TRAPPC9: variants seen among roughly 807,000 people sequenced by gnomAD.
TRAPPC9 encodes the protein trafficking protein particle complex subunit 9, also known as IKK2 binding protein.
TRAPPC9 carries 83 observed loss-of-function variants against 124.0 expected under a neutral mutation model. The observed-to-expected ratio is 0.67, with a 90% confidence interval of 0.56 to 0.80. The LOEUF is 0.80. Among genes scored for constraint, TRAPPC9 ranks in the 30% least tolerant of loss-of-function variants. The pLI is 0.00. For synonymous variants in TRAPPC9, 638 were observed against 617.5 expected, an observed-to-expected ratio of 1.03 and a Z score of -0.49; for missense variants, 1,302 against 1,508.3, an observed-to-expected ratio of 0.86 and a Z score of 2.27.
chr8:139,914,298 G>A (rs994276829), intron 19 of TRAPPC9, among the ~76,000 whole-genome samples: 1 of 152,242 alleles, frequency 6.6e-6, no homozygotes, highest in Non-Finnish European at 1.5e-5. Context: ...AGGCTCACAG[G>A]GAGACGACCC....
chr8:140,439,418 C>T lies in TRAPPC9; in HGVS notation c.585-221G>A, dbSNP rs147244041. On this transcript the variant is annotated intron_variant, in intron 2 of 22. Transcript: ENST00000438773. Reference sequence around the variant, plus strand: ...GCAATTTGTTTAAAGGTGATCGGTACGTAAGGACTTCTACCATGTCTTTCA... The same window carrying T: ...GCAATTTGTTTAAAGGTGATCGGTATGTAAGGACTTCTACCATGTCTTTCA... Among the ~76,000 whole-genome samples, 89 of 152,266 alleles carry T rather than the reference C, an allele frequency of 5.8e-4. No individual in the cohort carries two copies. In the East Asian group the frequency reaches 0.016, roughly 28 times the overall value.
chr8:140,336,609 G>A (rs2067048700), intron 9 of TRAPPC9, among the ~76,000 whole-genome samples: 1 of 152,160 alleles, frequency 6.6e-6, no homozygotes, highest in Non-Finnish European at 1.5e-5. Context: ...CTGATGGATG[G>A]CAAACTTTTA....
At chr8:140,365,630 C>A (rs986083246) in intron 8 of TRAPPC9, among the ~76,000 whole-genome samples, 3 of 152,236 alleles carry the variant, frequency 2.0e-5, no homozygotes, top group African/African-American at 7.2e-5. Flanking sequence ...GCACCCCGCA[C>A]AGGCTGCAAC....
At chr8:139,789,711 C>T (rs1454748135) in intron 21 of TRAPPC9, among the ~76,000 whole-genome samples, 1 of 152,186 alleles carries the variant, frequency 6.6e-6, no homozygotes, top group Non-Finnish European at 1.5e-5. Flanking sequence ...AGGGTAAGTA[C>T]ACCTGTGACG....
intron 17 of TRAPPC9, among the ~76,000 whole-genome samples, chr8:140,167,854 G>T (rs922277296): frequency 6.6e-6 from 1 of 152,218 alleles, no homozygotes; most frequent in East Asian, 1.9e-4. Flanking sequence ...ATGATTAACT[G>T]AAGGGAAAGC....
Position 140,457,576 on chromosome 8 carries a change from G to T in TRAPPC9, c.-11+63C>A, listed in dbSNP as rs1037580043. ...GGACGCGCCGACTCCACGGCCAGCC[G>T]CGCAGCCCTCCCCGCAGCCGGTCCG... On this transcript the variant is annotated intron_variant, in intron 1 of 22. Coordinates refer to ENST00000438773, the MANE Select transcript of TRAPPC9 (RefSeq NM_001160372.4). The T allele has an allele frequency of 4.1e-6, 4 of 982,906 alleles. No homozygotes were observed. The Admixed American group carries it at 2.5e-4, about 60-fold the overall frequency. 60.9% of individuals were successfully genotyped at this position (982,906 alleles called of 1,614,324 possible).
intron 7 of TRAPPC9, among the ~76,000 whole-genome samples, chr8:140,393,121 G>C (rs2068980105): frequency 6.8e-6 from 1 of 147,938 alleles, no homozygotes; most frequent in Non-Finnish European, 1.5e-5. Context: ...ACCCAGGCTG[G>C]AGTGCAGTGG....
Position 139,988,717 on chromosome 8 carries a change from G to C in TRAPPC9, c.2810+9C>G. 2 of 1,542,310 alleles carry C rather than the reference G, an allele frequency of 1.3e-6. No individual in the cohort carries two copies. The highest frequency in any genetic ancestry group is 1.8e-6 in the Non-Finnish European group (2 of 1,140,256). On this transcript the variant is annotated intron_variant, in intron 19 of 22. Coordinates refer to ENST00000438773, the MANE Select transcript of TRAPPC9 (RefSeq NM_001160372.4). ...CCTGCGGCGGCGCGAGGGTCTATGG[G>C]ACACTTACCGCTGGCACTCACCGGC... is the stretch of plus-strand genomic sequence containing the variant.
chr8:140,262,489 C>G (rs142647166), intron 15 of TRAPPC9: 2 of 151,542 alleles, frequency 1.3e-5, no homozygotes, highest in Non-Finnish European at 1.5e-5. Flanking sequence ...AATGCTGAAC[C>G]GTACCAGAAA....
At chr8:140,137,307 C>T (rs1342017605) in intron 17 of TRAPPC9, among the ~76,000 whole-genome samples, 3 of 152,176 alleles carry the variant, frequency 2.0e-5, no homozygotes, top group African/African-American at 4.8e-5. Context: ...CCACATGCTC[C>T]AGTGACCACC....
At chr8:140,123,626 C>T (rs181599625) in intron 17 of TRAPPC9, among the ~76,000 whole-genome samples, 2 of 152,338 alleles carry the variant, frequency 1.3e-5, no homozygotes, top group African/African-American at 4.8e-5. Flanking sequence ...TCCATCATGC[C>T]CCATGTACTT....
At chr8:140,227,152 G>A (rs1297533405) in intron 16 of TRAPPC9, among the ~76,000 whole-genome samples, 3 of 152,174 alleles carry the variant, frequency 2.0e-5, no homozygotes, top group East Asian at 3.9e-4. Context: ...GAAGGGGGCA[G>A]CTGCAGAGGG....
intron 9 of TRAPPC9, among the ~76,000 whole-genome samples, chr8:140,354,679 T>G (rs1197894891): frequency 6.6e-6 from 1 of 152,190 alleles, no homozygotes; most frequent in Non-Finnish European, 1.5e-5. Flanking sequence ...ATACTTTATT[T>G]CAATGCAGCA....
chr8:139,917,642 C>T (rs920613612), intron 19 of TRAPPC9, among the ~76,000 whole-genome samples: 4 of 152,208 alleles, frequency 2.6e-5, no homozygotes, highest in Non-Finnish European at 5.9e-5. Flanking sequence ...GCAACAGGCT[C>T]GGTCGCCACC....
intron 19 of TRAPPC9, among the ~76,000 whole-genome samples, chr8:139,982,411 C>T (rs765245056): frequency 6.6e-6 from 1 of 152,138 alleles, no homozygotes; most frequent in Non-Finnish European, 1.5e-5. Context: ...AAAATGAGTG[C>T]AAAGCCCACT....
chr8:140,360,629 G>A (rs1444956551), intron 8 of TRAPPC9, among the ~76,000 whole-genome samples: 1 of 131,268 alleles, frequency 7.6e-6, no homozygotes, highest in Non-Finnish European at 1.7e-5. Flanking sequence ...AAAGTAGATA[G>A]CTAAATTAGA....
chr8:139,846,090 G>A (rs905185192), intron 21 of TRAPPC9, among the ~76,000 whole-genome samples: 3 of 152,278 alleles, frequency 2.0e-5, no homozygotes, highest in African/African-American at 7.2e-5. Context: ...GCCTGGCCAC[G>A]ATGGGCCTTG....
At chr8:139,884,397 G>A (rs1366443234) in intron 21 of TRAPPC9, among the ~76,000 whole-genome samples, 1 of 152,176 alleles carries the variant, frequency 6.6e-6, no homozygotes, top group East Asian at 1.9e-4. Context: ...CAGACAGAAG[G>A]GAGGAGCCCA....
At chr8:139,754,150 A>G (rs1043237620) in intron 21 of TRAPPC9, among the ~76,000 whole-genome samples, 10 of 152,118 alleles carry the variant, frequency 6.6e-5, no homozygotes, top group African/African-American at 2.4e-4. Flanking sequence ...AGGCCCCCCC[A>G]GCCTGCTGCT....
Sources: allele counts gnomAD v4.1 joint callset (sites outside exome capture counted in the v4.1 genomes callset), GRCh38; gene constraint gnomAD v4.1.1; transcripts MANE v1.5; gene names NCBI Gene and HGNC (gene_info 2026-07-23, HGNC 2026-07-21).